MRPS18B: variants seen among roughly 807,000 people sequenced by gnomAD.
The protein encoded by MRPS18B is small ribosomal subunit protein mS40.
MRPS18B carries 27 observed loss-of-function variants against 28.4 expected under a neutral mutation model. The observed-to-expected ratio is 0.95, with a 90% CI of 0.70 to 1.31. The LOEUF is 1.31. Ranked by LOEUF, MRPS18B falls within the 40% of genes most tolerant of loss-of-function variation. The pLI is 0.00. For missense variants in MRPS18B, 343 were observed against 335.9 expected (o/e 1.02, Z -0.17); for synonymous variants, 118 against 123.7 (o/e 0.95, Z 0.30).
chr6:30,623,369 C>G (rs576169955), intron 5 of MRPS18B, among the ~76,000 whole-genome samples: 1 of 151,852 alleles, frequency 6.6e-6, no homozygotes, highest in East Asian at 1.9e-4. Flanking sequence ...AAAACAAGTA[C>G]TTCTGTAAGC....
chr6:30,619,524 C>G lies in MRPS18B; in HGVS notation c.110C>G (p.Pro37Arg), dbSNP rs570108056. Residue 37 changes from proline (P) to arginine (R), a missense_variant, in exon 2 of 7, where the codon CCC (proline) becomes CGC (arginine). Physicochemically the swap from Pro to Arg is moderately radical, Grantham distance 103. Transcript: ENST00000259873. ...CTCCAGACTCTTTGCACCAAAGCTC[C>G]CTCTGAGGAAGATTCTTTGTCCTCA... is the stretch of plus-strand genomic sequence containing the variant. The part of the protein sequence containing the change: ...VPLQTLCTKA[P>R]SEEDSLSSVP... 1.2e-6 allele frequency: 2 copies of G among 1,612,992 alleles called. No individual in the cohort carries two copies. The highest frequency in any genetic ancestry group is 1.3e-5 in the African/African-American group (1 of 75,016).
At chr6:30,619,101 A>G (rs1160077761) in intron 1 of MRPS18B, among the ~76,000 whole-genome samples, 1 of 152,208 alleles carries the variant, frequency 6.6e-6, no homozygotes, top group Non-Finnish European at 1.5e-5. Flanking sequence ...TATTTTTAGT[A>G]GAGATAAGGT....
rs541578749 is a variant in MRPS18B, at chr6:30,625,584, G to T, written c.564G>T (p.Pro188=). The T allele has an allele frequency of 2.4e-5, 39 of 1,610,496 alleles. No individual in the cohort carries two copies. Among genetic ancestry groups the T allele is most frequent in the Non-Finnish European group, 3.2e-5 (38 of 1,177,968 alleles). ...CTCATGGGGCTGTGAGTGCTACTCC[G>T]CCAGCCCCCACCCTGGTCTCAGGTG... The part of the protein sequence containing the change: ...STSHGAVSAT[P]PAPTLVSGDP... Residue 188 remains proline (P), a synonymous_variant, in exon 7 of 7, where the codon CCG becomes CCT. Transcript: ENST00000259873.
chr6:30,618,257 G>A (rs1045514044), intron 1 of MRPS18B, among the ~76,000 whole-genome samples: 1 of 151,986 alleles, frequency 6.6e-6, no homozygotes. Flanking sequence ...TAATTAAGGG[G>A]CCATGCTAAT....
intron 4 of MRPS18B, among the ~76,000 whole-genome samples, chr6:30,621,487 A>G (rs1178514577): frequency 3.3e-5 from 5 of 152,238 alleles, no homozygotes. Flanking sequence ...CAGCAAAAGT[A>G]TTAGAGCAGA....
chr6:30,625,570 G>A lies in MRPS18B; in HGVS notation c.550G>A (p.Val184Met). The change falls in exon 7 of 7, where the codon GTG (valine) becomes ATG (methionine). Residue 184 changes from valine (V) to methionine (M), a missense_variant. Val to Met is a conservative substitution (Grantham distance 21). Transcript: ENST00000259873. Reference protein sequence around the residue: ...DLDFSTSHGAVSATPPAPTLV... With the variant: ...DLDFSTSHGAMSATPPAPTLV... ...TGACTTCAGTACCTCTCATGGGGCTGTGAGTGCTACTCCGCCAGCCCCCAC... is the reference window on the plus strand; with the variant it reads ...TGACTTCAGTACCTCTCATGGGGCTATGAGTGCTACTCCGCCAGCCCCCAC... 6.2e-7 allele frequency: 1 copy of A among 1,608,568 alleles called. No homozygotes were observed. Among genetic ancestry groups the A allele is most frequent in the Non-Finnish European group, 8.5e-7 (1 of 1,176,278 alleles).
chr6:30,624,760 CA>C (rs1761378578), intron 5 of MRPS18B, 122 bp from the exon 6 acceptor site: 7 of 1,007,860 alleles, frequency 6.9e-6, no homozygotes, highest in Non-Finnish European at 8.9e-6. Context: ...ATGGAGGGGT[CA>C]GGGGAAAGGG....
At chr6:30,621,819 C>T (rs1311000434) in intron 4 of MRPS18B, among the ~76,000 whole-genome samples, 19 of 152,178 alleles carry the variant, frequency 1.2e-4, no homozygotes, top group African/African-American at 4.3e-4. Flanking sequence ...TGATGGCGGG[C>T]GCCTGTAGTC....
In MRPS18B at chr6:30,619,794, G is replaced by A; in HGVS notation, c.273G>A (p.Arg91=). ...HKGGVPPQRT[R]KTCIRRNKVV... ...GTGGTGTACCCCCACAGCGGACTCG[G>A]AAGACATGTATTGTGAGTTTCTGAG... The change falls in exon 3 of 7, where the codon CGG becomes CGA. Residue 91 remains arginine (R), a synonymous_variant. Transcript: ENST00000259873. 1 of 1,614,188 alleles carries A rather than the reference G, an allele frequency of 6.2e-7. No individual in the cohort carries two copies. The highest frequency in any genetic ancestry group is 1.1e-5 in the South Asian group (1 of 91,088).
At chr6:30,623,416 G>A (rs1761294155) in intron 5 of MRPS18B, among the ~76,000 whole-genome samples, 1 of 152,054 alleles carries the variant, frequency 6.6e-6, no homozygotes, top group Non-Finnish European at 1.5e-5. Flanking sequence ...GATAAACAGT[G>A]ATTAATTCCT....
intron 4 of MRPS18B, among the ~76,000 whole-genome samples, chr6:30,621,075 G>T (rs1048417551): frequency 1.3e-5 from 2 of 152,224 alleles, no homozygotes; most frequent in African/African-American, 4.8e-5. Flanking sequence ...CCTTCAATAT[G>T]TGAGAAGGAC....
rs1348393822 is a variant in MRPS18B, at chr6:30,619,589, C to A, written c.175C>A (p.Leu59Met). The A allele has an allele frequency of 6.2e-7, 1 of 1,612,532 alleles. No homozygotes were observed. Among genetic ancestry groups the A allele is most frequent in the East Asian group, 2.2e-5 (1 of 44,902 alleles). Residue 59 changes from leucine (L) to methionine (M), a missense_variant, in exon 2 of 7, where the codon CTG becomes ATG. By Grantham distance (15) the Leu-to-Met change is conservative (BLOSUM62 2). Transcript: ENST00000259873. ...TTATAAGGATGAGCCCTGGAAATAT[C>A]TGGAATCAGAAGGTACCTCTAAAGG... ...SPYKDEPWKY[L>M]ESEEYQERYG... is the part of the protein sequence containing the mutation.
In MRPS18B at chr6:30,619,780, C is replaced by A; in HGVS notation, c.259C>A (p.Pro87Thr). 6.2e-7 allele frequency: 1 copy of A among 1,614,214 alleles called. No individual in the cohort carries two copies. Among genetic ancestry groups the A allele is most frequent in the Non-Finnish European group, 8.5e-7 (1 of 1,180,018 alleles). Residue 87 changes from proline to threonine, a missense_variant, in exon 3 of 7, where the codon CCA becomes ACA. By Grantham distance (38) the Pro-to-Thr change is conservative (BLOSUM62 -1). Coordinates refer to ENST00000259873, the MANE Select transcript of MRPS18B (RefSeq NM_014046.4). ...CCGCAACCACAAGGGTGGTGTACCCCCACAGCGGACTCGGAAGACATGTAT... is the reference window on the plus strand; with the variant it reads ...CCGCAACCACAAGGGTGGTGTACCCACACAGCGGACTCGGAAGACATGTAT... The part of the protein sequence containing the change: ...YRRNHKGGVP[P>T]QRTRKTCIRR...
rs1400437444 is a variant in MRPS18B at position 30,625,028 on chromosome 6, C to T, written c.481+86C>T. 4.1e-6 allele frequency: 6 copies of T among 1,449,260 alleles called. No homozygotes were observed. In the African/African-American group the frequency reaches 8.4e-5, roughly 20 times the overall value. The allele number at this position is 1,449,260 out of a possible 1,614,324, so 89.8% of individuals were successfully genotyped here. On this transcript the variant is annotated intron_variant, in intron 6 of 6. Transcript: ENST00000259873. ...TAGAAAATGGATATAAATGCTCACA[C>T]CTGTTCAAGATGGTAGCACCCAGCA...
intron 5 of MRPS18B, among the ~76,000 whole-genome samples, chr6:30,623,765 G>T (rs2127467966): frequency 6.6e-6 from 1 of 151,828 alleles, no homozygotes; most frequent in East Asian, 1.9e-4. Flanking sequence ...AATTTGCAGA[G>T]AATAATTTTT....
intron 4 of MRPS18B, among the ~76,000 whole-genome samples, chr6:30,621,941 C>G (rs916645321): frequency 6.6e-6 from 1 of 151,952 alleles, no homozygotes; most frequent in Admixed American, 6.6e-5. Flanking sequence ...AGCGAGACTC[C>G]GTCTCAAAAA....
rs113576230 is a variant in MRPS18B, at chr6:30,618,062, G to C, written c.78+119G>C. ...TCCCACGTGTGTCTTAGCTGTCTAG[G>C]CAGTACTTCCTGCAACCCCCCCCCC... On this transcript the variant is annotated intron_variant, in intron 1 of 6. Transcript: ENST00000259873. The C allele has an allele frequency of 5.4e-4, 570 of 1,060,964 alleles. 3 individuals are homozygous for C. The highest frequency in any genetic ancestry group is 3.8e-3 in the Middle Eastern group (14 of 3,732). The allele number at this position is 1,060,964 out of a possible 1,614,324, so 65.7% of individuals were successfully genotyped here.
rs762970823 is a variant in MRPS18B at position 30,625,773 on chromosome 6, G to T, written c.753G>T (p.Gln251His). 1 of 1,612,192 alleles carries T rather than the reference G, an allele frequency of 6.2e-7. No individual in the cohort carries two copies. The highest frequency in any genetic ancestry group is 8.5e-7 in the Non-Finnish European group (1 of 1,179,412). ...RTPAEASSTGQTGPQSAL is the reference protein window; with the variant it reads ...RTPAEASSTGHTGPQSAL ...CAGCGGAAGCCTCCTCCACTGGGCA[G>T]ACAGGCCCTCAGAGTGCTCTGTAGG... The change falls in exon 7 of 7, where the codon CAG (glutamine) becomes CAT (histidine). Residue 251 changes from glutamine (Q) to histidine (H), a missense_variant. Gln to His is a conservative substitution (Grantham distance 24). Transcript: ENST00000259873.
chr6:30,625,712 C>T lies in MRPS18B; in HGVS notation c.692C>T (p.Pro231Leu), dbSNP rs1385087414. The T allele has an allele frequency of 6.2e-6, 10 of 1,613,096 alleles. No individual in the cohort carries two copies. In the South Asian group the frequency reaches 1.1e-4, roughly 18 times the overall value. Reference protein sequence around the residue: ...QGHLQEESGPPPESMPKMPPR... With the variant: ...QGHLQEESGPLPESMPKMPPR... Reference sequence around the variant, plus strand: ...CATCTCCAAGAAGAGAGTGGCCCCCCACCTGAGTCAATGCCCAAGATGCCC... The same window carrying T: ...CATCTCCAAGAAGAGAGTGGCCCCCTACCTGAGTCAATGCCCAAGATGCCC... Residue 231 changes from proline to leucine, a missense_variant, in exon 7 of 7, where the codon CCA (proline) becomes CTA (leucine). Coordinates refer to ENST00000259873, the MANE Select transcript of MRPS18B (RefSeq NM_014046.4).
Sources: gnomAD v4.1 joint callset for allele counts (sites outside exome capture counted in the v4.1 genomes callset) on GRCh38, gnomAD v4.1.1 for gene constraint, MANE v1.5 for transcripts, NCBI Gene and HGNC (gene_info 2026-07-23, HGNC 2026-07-21) for gene names.